The following ATOSA variants were observed in gnomAD, a reference collection of about 807,000 sequenced individuals.
ATOSA encodes atos homolog protein A.
the ATOSA span, among the ~76,000 whole-genome samples, chr15:52,663,927 G>A: frequency 0.86 from 131,530 of 152,214 alleles, 57,228 homozygotes; most frequent in East Asian, 1. Context: ...GGGAAATATT[G>A]TAGTTGAAAT....
At chr15:52,600,338 G>T in the ATOSA span, 1 of 651,548 alleles carries the variant, frequency 1.5e-6, no homozygotes, top group Non-Finnish European at 2.6e-6. Context: ...GAGTACAGTG[G>T]CACCATCATA....
At chr15:52,706,017 A>G in the ATOSA span, among the ~76,000 whole-genome samples, 1 of 152,162 alleles carries the variant, frequency 6.6e-6, no homozygotes, top group Non-Finnish European at 1.5e-5. Flanking sequence ...TTTCAATATT[A>G]CATATTAAAC....
chr15:52,682,506 A>T, the ATOSA span, among the ~76,000 whole-genome samples: 12 of 152,230 alleles, frequency 7.9e-5, no homozygotes, highest in Non-Finnish European at 1.8e-4. Context: ...TTACTCAAAC[A>T]TGAAGATCTT....
the ATOSA span, chr15:52,611,244 C>T: frequency 9.3e-6 from 15 of 1,612,516 alleles, no homozygotes; most frequent in Admixed American, 1.7e-5. Context: ...TTCAATAAAT[C>T]GGTCACCATT....
the ATOSA span, chr15:52,585,006 G>A: frequency 7.3e-7 from 1 of 1,372,628 alleles, no homozygotes; most frequent in Admixed American, 2.2e-5. Flanking sequence ...GATTCAGAAT[G>A]ATTGTGCCAA....
At chr15:52,599,174 C>T in the ATOSA span, among the ~76,000 whole-genome samples, 4 of 152,184 alleles carry the variant, frequency 2.6e-5, no homozygotes, top group African/African-American at 9.6e-5. Context: ...TCAGACTGCT[C>T]TCTTTTTCAC....
At chr15:52,589,089 T>TA in the ATOSA span, among the ~76,000 whole-genome samples, 2 of 152,210 alleles carry the variant, frequency 1.3e-5, no homozygotes, top group Admixed American at 6.5e-5. Context: ...GGTTAACACA[T>TA]ACGTGGTTCT....
chr15:52,655,000 A>C, the ATOSA span, among the ~76,000 whole-genome samples: 1 of 152,016 alleles, frequency 6.6e-6, no homozygotes, highest in East Asian at 1.9e-4. Context: ...GCATGATGCT[A>C]ATCTCTTTAC....
At chr15:52,627,310 C>A in the ATOSA span, among the ~76,000 whole-genome samples, 3 of 152,168 alleles carry the variant, frequency 2.0e-5, no homozygotes, top group African/African-American at 7.2e-5. Context: ...AACTTCTAAT[C>A]GTTGATTTCA....
At chr15:52,592,959 C>T in the ATOSA span, among the ~76,000 whole-genome samples, 5 of 151,914 alleles carry the variant, frequency 3.3e-5, no homozygotes, top group Admixed American at 6.6e-5. Flanking sequence ...CCAGCCTGGG[C>T]AATATAGGGA....
chr15:52,662,100 G>A, the ATOSA span, among the ~76,000 whole-genome samples: 1 of 152,118 alleles, frequency 6.6e-6, no homozygotes, highest in African/African-American at 2.4e-5. Flanking sequence ...CCAAGACTAG[G>A]AAACTGAGAT....
the ATOSA span, among the ~76,000 whole-genome samples, chr15:52,693,034 G>C: frequency 6.6e-6 from 1 of 152,322 alleles, no homozygotes; most frequent in East Asian, 1.9e-4. Flanking sequence ...AGCATTCCTT[G>C]AAAGTCAAGA....
At chr15:52,646,576 C>A in the ATOSA span, among the ~76,000 whole-genome samples, 1 of 152,046 alleles carries the variant, frequency 6.6e-6, no homozygotes, top group Non-Finnish European at 1.5e-5. Flanking sequence ...CAGGGCAAAC[C>A]CATCTACAAG....
At chr15:52,695,265 C>G in the ATOSA span, among the ~76,000 whole-genome samples, 1 of 152,156 alleles carries the variant, frequency 6.6e-6, no homozygotes, top group African/African-American at 2.4e-5. Context: ...CCAAATTGCT[C>G]AGGCTAAAGT....
the ATOSA span, among the ~76,000 whole-genome samples, chr15:52,707,722 G>T: frequency 6.6e-6 from 1 of 151,984 alleles, no homozygotes; most frequent in South Asian, 2.1e-4. Context: ...ATACACTGAA[G>T]GAACATGATA....
chr15:52,653,508 C>G, the ATOSA span, among the ~76,000 whole-genome samples: 4 of 152,100 alleles, frequency 2.6e-5, no homozygotes, highest in African/African-American at 9.7e-5. Context: ...CTTGGAAACA[C>G]AATAAGCCTG....
chr15:52,647,109 T>C, the ATOSA span, among the ~76,000 whole-genome samples: 6 of 152,206 alleles, frequency 3.9e-5, no homozygotes, highest in South Asian at 4.1e-4. Context: ...TGGTTAATAT[T>C]ACTGGACTCA....
At chr15:52,626,398 TATAA>T in the ATOSA span, among the ~76,000 whole-genome samples, 1 of 152,138 alleles carries the variant, frequency 6.6e-6, no homozygotes, top group Non-Finnish European at 1.5e-5. Context: ...TACATCTGGT[TATAA>T]ATAAAGTGTT....
chr15:52,678,262 T>C, the ATOSA span: 2 of 605,530 alleles, frequency 3.3e-6, no homozygotes, highest in East Asian at 5.5e-5. Context: ...AGCAAAACTC[T>C]CTGCACCGCC....
Sources: gnomAD v4.1 joint callset for allele counts (sites outside exome capture counted in the v4.1 genomes callset) on GRCh38, gnomAD v4.1.1 for gene constraint, MANE v1.5 for transcripts, NCBI Gene and HGNC (gene_info 2026-07-23, HGNC 2026-07-21) for gene names.